Variants in THSD7A observed in about 807,000 individuals in gnomAD.
THSD7A encodes thrombospondin type 1 domain containing 7A, also known as thrombospondin type-1 domain-containing protein 7A.
THSD7A carries 96 observed loss-of-function variants against 231.3 expected under a neutral mutation model. The observed-to-expected ratio is 0.41, with a 90% CI of 0.35 to 0.49. The LOEUF is 0.49. Among genes scored for constraint, THSD7A ranks in the 20% least tolerant of loss-of-function variants. THSD7A has a pLI of 0.05. For synonymous variants in THSD7A, 940 were observed against 743.3 expected, an observed-to-expected ratio of 1.26 and a Z score of -4.30; for missense variants, 2,290 against 2,070.2, an observed-to-expected ratio of 1.11 and a Z score of -2.06.
At chr7:11,509,413 C>T (rs1332758198) in intron 6 of THSD7A, among the ~76,000 whole-genome samples, 1 of 152,164 alleles carries the variant, frequency 6.6e-6, no homozygotes, top group Non-Finnish European at 1.5e-5. Context: ...ACCATACAAT[C>T]TGATTTCAAA....
At chr7:11,543,915 T>A (rs1460358672) in intron 4 of THSD7A, among the ~76,000 whole-genome samples, 1 of 152,158 alleles carries the variant, frequency 6.6e-6, no homozygotes, top group East Asian at 1.9e-4. Context: ...TAAAAATGAC[T>A]AAGTGATGAA....
chr7:11,793,778 C>T (rs1329790651), intron 1 of THSD7A, among the ~76,000 whole-genome samples: 1 of 151,746 alleles, frequency 6.6e-6, no homozygotes, highest in Non-Finnish European at 1.5e-5. Flanking sequence ...CGAAATAGAA[C>T]AAAAAGATTT....
intron 1 of THSD7A, among the ~76,000 whole-genome samples, chr7:11,759,963 A>C (rs1782802621): frequency 6.6e-6 from 1 of 152,082 alleles, no homozygotes; most frequent in East Asian, 1.9e-4. Context: ...TTGACTGTAT[A>C]AGGAATTGAT....
In THSD7A at chr7:11,462,128, C is replaced by G. The variant is rs779688488; in HGVS notation, c.2384G>C (p.Arg795Thr). The G allele has an allele frequency of 6.2e-7, 1 of 1,613,608 alleles. No homozygotes were observed. The highest frequency in any genetic ancestry group is 8.5e-7 in the Non-Finnish European group (1 of 1,179,756). ...GATGACCCGATGCCTAGACTGCTTC[C>G]TGATACTGGAGTCCCCTGCAATGAA... is the stretch of plus-strand genomic sequence containing the variant. Reference protein sequence around the residue: ...SSCKEGDSSIRKQSRHRVIIQ... With the variant: ...SSCKEGDSSITKQSRHRVIIQ... The change falls in exon 10 of 28, where the codon AGG (arginine) becomes ACG (threonine). Residue 795 changes from arginine to threonine, a missense_variant. Arg to Thr is a moderately conservative substitution (Grantham distance 71). Transcript: ENST00000423059.
intron 6 of THSD7A, among the ~76,000 whole-genome samples, chr7:11,509,385 A>G (rs1787695476): frequency 6.6e-6 from 1 of 152,108 alleles, no homozygotes; most frequent in Non-Finnish European, 1.5e-5. Flanking sequence ...ATCCAACAAA[A>G]TTGTTCCAGA....
chr7:11,735,842 C>G (rs1349428829), intron 1 of THSD7A, among the ~76,000 whole-genome samples: 1 of 151,774 alleles, frequency 6.6e-6, no homozygotes, highest in Non-Finnish European at 1.5e-5. Flanking sequence ...AATTGACATA[C>G]TTAGTAGACA....
intron 1 of THSD7A, among the ~76,000 whole-genome samples, chr7:11,670,221 C>G (rs1783325186): frequency 6.6e-6 from 1 of 152,042 alleles, no homozygotes; most frequent in African/African-American, 2.4e-5. Context: ...GATTGGAAAC[C>G]TAGTTTTACA....
At chr7:11,764,236 GAAATT>G (rs1295452776) in intron 1 of THSD7A, among the ~76,000 whole-genome samples, 1 of 152,094 alleles carries the variant, frequency 6.6e-6, no homozygotes, top group Non-Finnish European at 1.5e-5. Context: ...AATACCAACT[GAAATT>G]AAATTAATGG....
chr7:11,829,277 A>G (rs1583324533), intron 1 of THSD7A, among the ~76,000 whole-genome samples: 1 of 152,068 alleles, frequency 6.6e-6, no homozygotes, highest in Admixed American at 6.6e-5. Context: ...TATTTGTTGT[A>G]TATATGTATT....
rs758347470 is a variant in THSD7A at position 11,428,994 on chromosome 7, G to T, written c.3196C>A (p.Pro1066Thr). The change falls in exon 14 of 28, where the codon CCA (proline) becomes ACA (threonine). Residue 1066 changes from proline (P) to threonine (T), a missense_variant. Coordinates refer to ENST00000423059, the MANE Select transcript of THSD7A (RefSeq NM_015204.3). ...GGGCAAGGCCTTCCTCCATTATATG[G>T]TTTTTCACGCAGCCATTTAGAACGA... Reference protein sequence around the residue: ...KVRSKWLREKPYNGGRPCPKL... With the variant: ...KVRSKWLREKTYNGGRPCPKL... 3 of 1,612,970 alleles carry T rather than the reference G, an allele frequency of 1.9e-6. No individual in the cohort carries two copies. The highest frequency in any genetic ancestry group is 1.7e-6 in the Non-Finnish European group (2 of 1,179,476).
chr7:11,401,869 C>G lies in THSD7A; in HGVS notation c.4337G>C (p.Arg1446Thr). 3 of 1,613,872 alleles carry G rather than the reference C, an allele frequency of 1.9e-6. No individual in the cohort carries two copies. The highest frequency in any genetic ancestry group is 2.5e-6 in the Non-Finnish European group (3 of 1,179,852). Reference protein sequence around the residue: ...LGFGGIQVRSRPVIIQELENQ... With the variant: ...LGFGGIQVRSTPVIIQELENQ... ...CTCTAGTTCTTGTATAATCACCGGT[C>G]TGGATCTGACCTGTATTCCACCAAA... The change falls in exon 23 of 28, where the codon AGA becomes ACA. Residue 1446 changes from arginine (R) to threonine (T), a missense_variant. Physicochemically the swap from Arg to Thr is moderately conservative, Grantham distance 71. Transcript: ENST00000423059.
chr7:11,683,999 T>C (rs1779933709), intron 1 of THSD7A, among the ~76,000 whole-genome samples: 1 of 151,988 alleles, frequency 6.6e-6, no homozygotes, highest in Admixed American at 6.6e-5. Context: ...ATTAGCAAAC[T>C]GAATCTGGCA....
At chr7:11,516,418 CA>C (rs1788031863) in intron 6 of THSD7A, among the ~76,000 whole-genome samples, 2 of 152,166 alleles carry the variant, frequency 1.3e-5, no homozygotes. Context: ...TACTACTGAT[CA>C]GCTAGCTCTG....
intron 4 of THSD7A, among the ~76,000 whole-genome samples, chr7:11,553,178 A>C (rs1034017469): frequency 3.9e-5 from 6 of 152,088 alleles, no homozygotes; most frequent in African/African-American, 1.4e-4. Context: ...CCAAATCAAC[A>C]CTGACATAAT....
chr7:11,430,337 G>A (rs1784442451), intron 13 of THSD7A, among the ~76,000 whole-genome samples: 1 of 152,082 alleles, frequency 6.6e-6, no homozygotes, highest in African/African-American at 2.4e-5. Flanking sequence ...TAAACCCTAT[G>A]GTTACTGGCA....
intron 23 of THSD7A, among the ~76,000 whole-genome samples, chr7:11,398,028 A>G (rs555172080): frequency 6.6e-6 from 1 of 152,306 alleles, no homozygotes; most frequent in Admixed American, 6.5e-5. Flanking sequence ...CAGCAATCCC[A>G]TTACTGGGTA....
At chr7:11,628,678 A>G (rs973133979) in intron 2 of THSD7A, among the ~76,000 whole-genome samples, 1 of 152,198 alleles carries the variant, frequency 6.6e-6, no homozygotes, top group Non-Finnish European at 1.5e-5. Flanking sequence ...TTTTGTCTGA[A>G]TATTCTAGTG....
intron 15 of THSD7A, among the ~76,000 whole-genome samples, chr7:11,425,043 TTGCAGG>T (rs1279573964): frequency 6.6e-6 from 1 of 152,172 alleles, no homozygotes; most frequent in Admixed American, 6.5e-5. Context: ...TGCTATTACA[TTGCAGG>T]TGTAAATCTG....
At chr7:11,769,222 C>A (rs1186636887) in intron 1 of THSD7A, among the ~76,000 whole-genome samples, 2 of 142,892 alleles carry the variant, frequency 1.4e-5, no homozygotes, top group Admixed American at 7.3e-5. Context: ...GTCTCAAACT[C>A]CTGACCTCAG....
Sources: gnomAD v4.1 joint callset for allele counts (sites outside exome capture counted in the v4.1 genomes callset) on GRCh38, gnomAD v4.1.1 for gene constraint, MANE v1.5 for transcripts, NCBI Gene and HGNC (gene_info 2026-07-23, HGNC 2026-07-21) for gene names.